The following FLOT1 variants were observed in gnomAD, a reference collection of about 807,000 sequenced individuals.
FLOT1 encodes flotillin-1.
FLOT1 carries 40 observed loss-of-function variants against 58.4 expected under a neutral mutation model. The ratio of observed to expected loss-of-function variants is 0.69; its 90% CI spans 0.53 to 0.89. The LOEUF is 0.89. FLOT1 is among the 40% of genes least tolerant of loss of function. The pLI is 0.00. For missense variants in FLOT1, 423 were observed against 540.8 expected, an observed-to-expected ratio of 0.78 and a Z score of 2.16; for synonymous variants, 178 against 204.2, an observed-to-expected ratio of 0.87 and a Z score of 1.09.
chr6:30,735,586 C>A (rs893965776), intron 8 of FLOT1, among the ~76,000 whole-genome samples: 1 of 138,048 alleles, frequency 7.2e-6, no homozygotes, highest in African/African-American at 3.1e-5. Flanking sequence ...GCCGAGACTG[C>A]GCCACTGCAC....
At chr6:30,728,282 C>T in intron 12 of FLOT1, 137 bp from the exon 13 acceptor site, 1 of 736,438 alleles carries the variant, frequency 1.4e-6, no homozygotes, top group East Asian at 2.5e-5. Context: ...GCCCTACCAC[C>T]TGTTTCCCCA....
chr6:30,741,140 C>A lies in FLOT1; in HGVS notation c.354+50G>T. 1.9e-6 allele frequency: 3 copies of A among 1,600,406 alleles called. No homozygotes were observed. The highest frequency in any genetic ancestry group is 2.6e-6 in the Non-Finnish European group (3 of 1,171,738). ...CTCACAGACTAGTGTGGGCCTTGGG[C>A]CCCCCTCATTTTGACATCCTTCCAG... On this transcript the variant is annotated intron_variant, in intron 5 of 12. Transcript: ENST00000376389. The surrounding 1 kb of genome is among the most constrained non-coding windows in gnomAD (Gnocchi z 5.9).
rs759664509 is a variant in FLOT1, at chr6:30,731,065, C to T, written c.759G>A (p.Arg253=). ...AKTKQQIEEQ[R]VQVQVVERAQ... ...CCCGCTCCACCACCTGCACCTGCAC[C>T]CGCTGCTCCTCAATCTGCTGCTTAG... Residue 253 remains arginine, a synonymous_variant, in exon 9 of 13, where the codon CGG becomes CGA. Transcript: ENST00000376389. 3.7e-6 allele frequency: 6 copies of T among 1,610,020 alleles called. No homozygotes were observed. In the African/African-American group the frequency reaches 8.0e-5, roughly 21 times the overall value.
At position 30,737,243 on chromosome 6, in the gene FLOT1, TCC is replaced by T. The variant is rs1777655930; in HGVS notation, c.723+2913_723+2914del. The stretch of plus-strand genomic sequence containing the variant: ...GTCCGTCCGTCCGTCCGTCCGTCCG[TCC>T]GTCCATCCGTCCATCCATCCATCCA... On this transcript the variant is annotated intron_variant, in intron 8 of 12. Transcript: ENST00000376389. The surrounding 1 kb of genome is among the most constrained non-coding windows in gnomAD (Gnocchi z 4.4). Among the ~76,000 whole-genome samples, 1 of 75,996 alleles carries T rather than the reference TCC, an allele frequency of 1.3e-5. No individual in the cohort carries two copies. Among genetic ancestry groups the T allele is most frequent in the African/African-American group, 4.6e-5 (1 of 21,724 alleles). 49.9% of individuals were successfully genotyped at this position (75,996 alleles called of 152,430 possible). A position where few individuals can be genotyped will look rare whatever the true frequency, so the allele number is the denominator to read the frequency against.
intron 8 of FLOT1, among the ~76,000 whole-genome samples, chr6:30,735,087 T>C (rs979848973): frequency 6.6e-6 from 1 of 152,116 alleles, no homozygotes; most frequent in Admixed American, 6.5e-5. Context: ...TTAAGTTATT[T>C]CTTTTTGGAT....
intron 12 of FLOT1, among the ~76,000 whole-genome samples, chr6:30,728,915 G>A (rs1484843628): frequency 6.6e-6 from 1 of 151,808 alleles, no homozygotes; most frequent in Non-Finnish European, 1.5e-5. Context: ...CCCAGCAGCT[G>A]GGACTACAGG....
At chr6:30,735,599 G>A (rs1210897541) in intron 8 of FLOT1, among the ~76,000 whole-genome samples, 2 of 142,966 alleles carry the variant, frequency 1.4e-5, no homozygotes, top group Non-Finnish European at 3.0e-5. Flanking sequence ...CACTGCACCT[G>A]CACTCCAGCC....
intron 8 of FLOT1, 28 bp downstream of exon 8, chr6:30,740,130 C>A: frequency 6.2e-7 from 1 of 1,609,606 alleles, no homozygotes; most frequent in Admixed American, 1.7e-5. Context: ...GGGGAAGGGG[C>A]AGAGAGTGGC....
chr6:30,741,112 T>C lies in FLOT1; in HGVS notation c.354+78A>G, dbSNP rs1777946936. ...GGGATGTATGCTCTTGGATCCACTG[T>C]CTCTCACAGACTAGTGTGGGCCTTG... On this transcript the variant is annotated intron_variant, in intron 5 of 12. Transcript: ENST00000376389. This position sits in a 1 kb window ranked among gnomAD's most constrained non-coding sequence, Gnocchi z 5.9. 2 of 1,531,132 alleles carry C rather than the reference T, an allele frequency of 1.3e-6. No homozygotes were observed. Among genetic ancestry groups the C allele is most frequent in the East Asian group, 2.3e-5 (1 of 44,404 alleles). The allele number at this position is 1,531,132 out of a possible 1,614,324, so 94.8% of individuals were successfully genotyped here. A position where few individuals can be genotyped will look rare whatever the true frequency, so the allele number is the denominator to read the frequency against.
At position 30,731,049 on chromosome 6, in the gene FLOT1, CCACCTG is replaced by C. The variant is rs764244464; in HGVS notation, c.769_774del (p.Gln257_Val258del). 1.2e-6 allele frequency: 2 copies of C among 1,611,446 alleles called. No individual in the cohort carries two copies. Among genetic ancestry groups the C allele is most frequent in the Non-Finnish European group, 1.7e-6 (2 of 1,179,868 alleles). On this transcript the variant is annotated inframe_deletion, in exon 9 of 13. Transcript: ENST00000376389. ...ACTGCCACCTGCTGGGCCCGCTCCA[CCACCTG>C]CACCTGCACCCGCTGCTCCTCAATC...
Position 30,729,069 on chromosome 6 carries a change from C to G in FLOT1, c.1255-924G>C, listed in dbSNP as rs189630652. On this transcript the variant is annotated intron_variant, in intron 12 of 12. Coordinates refer to ENST00000376389, the MANE Select transcript of FLOT1 (RefSeq NM_005803.4). ...CTGGGATTACAGGCATGAGCTACCG[C>G]GCCTGGAATTTTTTTTTTTTTTTGA... 4.3e-3 allele frequency among the ~76,000 whole-genome samples: 644 copies of G among 149,542 alleles called. 3 individuals carry two copies. The highest frequency in any genetic ancestry group is 0.031 in the Middle Eastern group (9 of 288).
chr6:30,737,312 G>T lies in FLOT1; in HGVS notation c.723+2846C>A, dbSNP rs776395496. On this transcript the variant is annotated intron_variant, in intron 8 of 12. Transcript: ENST00000376389. The surrounding 1 kb of genome is among the most constrained non-coding windows in gnomAD (Gnocchi z 4.4). ...GGAGTCTCGCTCTGTCGCCCAGGCT[G>T]GAGTGCGGTGGCGCAATCTCGGCTC... Among the ~76,000 whole-genome samples, 9 of 151,926 alleles carry T rather than the reference G, an allele frequency of 5.9e-5. No homozygotes were observed. Among genetic ancestry groups the T allele is most frequent in the Admixed American group, 2.0e-4 (3 of 15,244 alleles).
At chr6:30,730,784 A>T in intron 9 of FLOT1, 57 bp from the exon 10 acceptor site, 1 of 1,610,346 alleles carries the variant, frequency 6.2e-7, no homozygotes, top group South Asian at 1.1e-5. Flanking sequence ...CCCAGGAGAA[A>T]GGCCCAGTGC....
At chr6:30,730,367 C>G in intron 11 of FLOT1, 61 bp downstream of exon 11, 1 of 1,533,662 alleles carries the variant, frequency 6.5e-7, no homozygotes, top group East Asian at 2.3e-5. Context: ...CCTCACTACA[C>G]CCCACCCCTT....
At chr6:30,730,878 G>C in intron 9 of FLOT1, 41 bp downstream of exon 9, 1 of 1,601,336 alleles carries the variant, frequency 6.2e-7, no homozygotes. Context: ...GGGTGCCTAG[G>C]TGGCAAGTGA....
chr6:30,731,485 CAAAAAAA>C (rs35667527), intron 8 of FLOT1, among the ~76,000 whole-genome samples: 2 of 83,788 alleles, frequency 2.4e-5, no homozygotes, highest in Non-Finnish European at 2.3e-5. Context: ...ACTCCATCTC[CAAAAAAA>C]AAAAAAAAAA....
chr6:30,741,223 G>C lies in FLOT1; in HGVS notation c.321C>G (p.His107Gln). ...TCATGTGGGCCATGATGGCCCTCTG[G>C]TGGCCCTCTAACGTCTCCAGGGCAA... ...AHIALETLEG[H>Q]QRAIMAHMTV... The change falls in exon 5 of 13, where the codon CAC becomes CAG. Residue 107 changes from histidine (H) to glutamine (Q), a missense_variant. By Grantham distance (24) the His-to-Gln change is conservative (BLOSUM62 0). Around this residue, in one of 6 missense-constraint regions of FLOT1, gnomAD observed 3 missense variants for 24.9 expected, o/e 0.12. Transcript: ENST00000376389. The surrounding 1 kb of genome is among the most constrained non-coding windows in gnomAD (Gnocchi z 5.9). 6.2e-7 allele frequency: 1 copy of C among 1,613,050 alleles called. No homozygotes were observed. Among genetic ancestry groups the C allele is most frequent in the Non-Finnish European group, 8.5e-7 (1 of 1,180,022 alleles).
At position 30,728,253 on chromosome 6, in the gene FLOT1, G is replaced by C. The variant is rs368466336; in HGVS notation, c.1255-108C>G. On this transcript the variant is annotated intron_variant, in intron 12 of 12. Coordinates refer to ENST00000376389, the MANE Select transcript of FLOT1 (RefSeq NM_005803.4). ...AATGGGCTATAGGCAGAACACACAC[G>C]GCCAGGGTTCTTTCTGGTGCCCTAC... 141 of 908,432 alleles carry C rather than the reference G, an allele frequency of 1.6e-4. 5 individuals carry two copies. Among genetic ancestry groups the C allele is most frequent in the East Asian group, 7.7e-4 (32 of 41,418 alleles). 56.3% of individuals were successfully genotyped at this position (908,432 alleles called of 1,614,324 possible).
At chr6:30,730,803 C>T (rs1459327635) in intron 9 of FLOT1, 76 bp from the exon 10 acceptor site, 7 of 1,606,714 alleles carry the variant, frequency 4.4e-6, no homozygotes, top group African/African-American at 2.7e-5. Context: ...GCTGCAGAGG[C>T]AGACGCTCCT....
Sources: allele counts gnomAD v4.1 joint callset (sites outside exome capture counted in the v4.1 genomes callset), GRCh38; gene constraint gnomAD v4.1.1; regional missense constraint gnomAD v4.1.1; non-coding constraint Gnocchi (gnomAD v3.1); transcripts MANE v1.5; gene names NCBI Gene and HGNC (gene_info 2026-07-23, HGNC 2026-07-21).